PRCC: variants seen among roughly 807,000 people sequenced by gnomAD.
The protein encoded by PRCC is proline-rich protein PRCC.
Under a neutral mutation model 44.0 loss-of-function variants are expected in PRCC, and 10 were observed. The observed-to-expected ratio is 0.23, with a 90% CI of 0.14 to 0.39. The LOEUF (loss-of-function observed/expected upper bound fraction) is 0.39, where lower values mean the gene tolerates loss of function less well. PRCC is among the 10% of genes least tolerant of loss of function. The pLI, the probability that PRCC is intolerant of heterozygous loss-of-function variation, is 1.00. For missense variants in PRCC, 573 were observed against 624.7 expected, an observed-to-expected ratio of 0.92 and a Z score of 0.88; for synonymous variants, 278 against 259.5, an observed-to-expected ratio of 1.07 and a Z score of -0.69.
At chr1:156,781,627 CAG>C (rs1235132402) in intron 1 of PRCC, among the ~76,000 whole-genome samples, 1 of 152,196 alleles carries the variant, frequency 6.6e-6, no homozygotes, top group Non-Finnish European at 1.5e-5. Flanking sequence ...CCTGATGAGT[CAG>C]AAGGATAACA....
Position 156,767,905 on chromosome 1 carries a change from C to T in PRCC, c.134C>T (p.Pro45Leu). The T allele has an allele frequency of 6.2e-7, 1 of 1,602,628 alleles. No individual in the cohort carries two copies. The highest frequency in any genetic ancestry group is 8.5e-7 in the Non-Finnish European group (1 of 1,175,358). Residue 45 changes from proline to leucine, a missense_variant, in exon 1 of 7, where the codon CCC becomes CTC. By Grantham distance (98) the Pro-to-Leu change is moderately conservative. Transcript: ENST00000271526. ...GGCTTGTTCGCTTCTCTCCCTGCGCCCAAGGGTCCGGCCTTGCTGCCTCCG... is the reference window on the plus strand; with the variant it reads ...GGCTTGTTCGCTTCTCTCCCTGCGCTCAAGGGTCCGGCCTTGCTGCCTCCG... ...LGGLFASLPA[P>L]KGPALLPPPP...
intron 2 of PRCC, 30 bp from the exon 3 acceptor site, chr1:156,786,578 T>C (rs1571586366): frequency 5.7e-6 from 9 of 1,573,966 alleles, no homozygotes; most frequent in Non-Finnish European, 6.9e-6. Context: ...TCATCTTTCT[T>C]TCCTCCTATC....
intron 3 of PRCC, among the ~76,000 whole-genome samples, chr1:156,788,367 A>G (rs1432813685): frequency 6.6e-6 from 1 of 152,154 alleles, no homozygotes; most frequent in Non-Finnish European, 1.5e-5. Flanking sequence ...ATTCCATGGT[A>G]TATATGTACC....
intron 6 of PRCC, among the ~76,000 whole-genome samples, chr1:156,799,535 T>C (rs1483993764): frequency 6.6e-6 from 1 of 152,244 alleles, no homozygotes; most frequent in African/African-American, 2.4e-5. Context: ...TGGTTGGTGA[T>C]TTCATGGCAA....
chr1:156,776,461 T>A (rs989513032), intron 1 of PRCC, among the ~76,000 whole-genome samples: 1 of 119,938 alleles, frequency 8.3e-6, no homozygotes, highest in Non-Finnish European at 2.0e-5. Flanking sequence ...CCGAAGTCTT[T>A]ATAGAGGTTT....
At chr1:156,777,408 A>G (rs1196888657) in intron 1 of PRCC, among the ~76,000 whole-genome samples, 2 of 152,182 alleles carry the variant, frequency 1.3e-5, no homozygotes, top group Non-Finnish European at 2.9e-5. Context: ...ATTAAATGAA[A>G]AATGAGTAAA....
intron 1 of PRCC, among the ~76,000 whole-genome samples, chr1:156,779,332 T>A (rs920288584): frequency 6.7e-6 from 1 of 149,852 alleles, no homozygotes; most frequent in Admixed American, 6.7e-5. Flanking sequence ...ATTTTTAATT[T>A]AAAAAATTTT....
intron 2 of PRCC, 57 bp downstream of exon 2, chr1:156,782,386 C>T: frequency 2.1e-6 from 3 of 1,457,602 alleles, no homozygotes; most frequent in South Asian, 1.2e-5. Context: ...TCCTCAAAGA[C>T]AGGACTTACA....
intron 2 of PRCC, among the ~76,000 whole-genome samples, chr1:156,784,409 C>A (rs897619587): frequency 4.6e-5 from 7 of 152,162 alleles, no homozygotes; most frequent in African/African-American, 1.7e-4. Context: ...GAACAATCTT[C>A]CAGGTGGTAG....
At chr1:156,787,551 G>A (rs990245030) in intron 3 of PRCC, among the ~76,000 whole-genome samples, 1 of 143,426 alleles carries the variant, frequency 7.0e-6, no homozygotes, top group African/African-American at 2.6e-5. Flanking sequence ...TACATGTACA[G>A]GTTTGTTACA....
intron 2 of PRCC, among the ~76,000 whole-genome samples, chr1:156,785,260 C>T (rs2102764064): frequency 6.6e-6 from 1 of 152,156 alleles, no homozygotes; most frequent in South Asian, 2.1e-4. Context: ...GCCTGTAATC[C>T]CAGCACTTTG....
At chr1:156,799,995 T>C (rs769837814) in intron 6 of PRCC, among the ~76,000 whole-genome samples, 3 of 152,192 alleles carry the variant, frequency 2.0e-5, no homozygotes, top group Non-Finnish European at 4.4e-5. Flanking sequence ...CCTCTCCTAC[T>C]CTGCCGGCTG....
chr1:156,796,008 C>T (rs1336782938), intron 5 of PRCC: 1 of 152,204 alleles, frequency 6.6e-6, no homozygotes, highest in African/African-American at 2.4e-5. Flanking sequence ...CAAGCCCCAG[C>T]CGTTTGTTTT....
At position 156,769,581 on chromosome 1, in the gene PRCC, C is replaced by CT. The variant is rs949600925; in HGVS notation, c.468+1352dup. The stretch of plus-strand genomic sequence containing the variant: ...CCCAATCTTGTTTGAAACTTTCTTC[C>CT]TTTTTTTTTTAAATTTTTTTTATTT... On this transcript the variant is annotated intron_variant, in intron 1 of 6. Transcript: ENST00000271526. Among the ~76,000 whole-genome samples, 279 of 149,908 alleles carry CT rather than the reference C, an allele frequency of 1.9e-3. 1 individual carries two copies. The highest frequency in any genetic ancestry group is 5.6e-3 in the African/African-American group (228 of 40,946).
intron 2 of PRCC, among the ~76,000 whole-genome samples, chr1:156,784,140 G>A (rs903018845): frequency 1.3e-5 from 2 of 152,028 alleles, no homozygotes; most frequent in African/African-American, 4.8e-5. Context: ...GTAGAGATGG[G>A]GTTTCACCGT....
chr1:156,798,041 T>C (rs555134613), intron 6 of PRCC, among the ~76,000 whole-genome samples: 1 of 152,064 alleles, frequency 6.6e-6, no homozygotes, highest in South Asian at 2.1e-4. Context: ...TCTCCTGGGC[T>C]CAAATGATCC....
At chr1:156,791,101 G>C in intron 3 of PRCC, 1 of 1,415,718 alleles carries the variant, frequency 7.1e-7, no homozygotes, top group Non-Finnish European at 9.5e-7. Context: ...TCGCCTCTAA[G>C]GGGAATCATG....
chr1:156,797,247 A>T (rs1320102001), intron 5 of PRCC, 29 bp from the exon 6 acceptor site: 1 of 1,614,024 alleles, frequency 6.2e-7, no homozygotes, highest in Non-Finnish European at 8.5e-7. Context: ...CATCCTGTGG[A>T]TTAATGAATA....
Position 156,787,091 on chromosome 1 carries a change from T to G in PRCC, c.1000T>G (p.Trp334Gly). Residue 334 changes from tryptophan (W) to glycine (G), a missense_variant, in exon 3 of 7, where the codon TGG (tryptophan) becomes GGG (glycine). This residue lies in a region of PRCC where 141 missense variants were observed against 130.2 expected (regional missense o/e 1.08). Coordinates refer to ENST00000271526, the MANE Select transcript of PRCC (RefSeq NM_005973.5). ...KMAAGSSGAP[W>G]MPKPGDDYSY... ...GGCAGCAGGTTCAAGTGGGGCCCCT[T>G]GGATGCCTAAGCCTGGGGACGACTA... The G allele has an allele frequency of 6.2e-7, 1 of 1,614,114 alleles. No homozygotes were observed. The highest frequency in any genetic ancestry group is 8.5e-7 in the Non-Finnish European group (1 of 1,180,002).
Sources: allele counts gnomAD v4.1 joint callset (sites outside exome capture counted in the v4.1 genomes callset), GRCh38; gene constraint gnomAD v4.1.1; regional missense constraint gnomAD v4.1.1; transcripts MANE v1.5; gene names NCBI Gene and HGNC (gene_info 2026-07-23, HGNC 2026-07-21).